The following FER variants were observed in gnomAD, a reference collection of about 807,000 sequenced individuals.
FER encodes the protein FER tyrosine kinase, also known as tyrosine-protein kinase Fer.
In FER, 63 loss-of-function variants were observed where a neutral mutation model predicts 111.0. The ratio of observed to expected loss-of-function variants is 0.57; its 90% CI spans 0.46 to 0.70. The LOEUF (loss-of-function observed/expected upper bound fraction) is 0.70, where lower values mean the gene tolerates loss of function less well. Among genes scored for constraint, FER ranks in the 30% least tolerant of loss-of-function variants. The pLI, the probability that FER is intolerant of heterozygous loss-of-function variation, is 0.00. For synonymous variants in FER, 327 were observed against 313.9 expected (o/e 1.04, Z -0.44); for missense variants, 914 against 954.0 (o/e 0.96, Z 0.55).
chr5:108,818,572 AT>A (rs1758513982), intron 3 of FER, among the ~76,000 whole-genome samples: 2 of 152,104 alleles, frequency 1.3e-5, no homozygotes, highest in Non-Finnish European at 2.9e-5. Flanking sequence ...AAAATCTCAA[AT>A]TAGTAATTTG....
At chr5:108,767,026 C>A (rs62361303) in intron 1 of FER, among the ~76,000 whole-genome samples, 7 of 152,048 alleles carry the variant, frequency 4.6e-5, no homozygotes, top group Non-Finnish European at 1.0e-4. Flanking sequence ...AGAGGCCAGG[C>A]GCAGTGACCC....
At chr5:108,942,654 A>G (rs1338070992) in intron 10 of FER, among the ~76,000 whole-genome samples, 1 of 152,164 alleles carries the variant, frequency 6.6e-6, no homozygotes, top group Non-Finnish European at 1.5e-5. Context: ...TGCCCAGCAA[A>G]TCAGCATTTT....
At position 108,963,139 on chromosome 5, in the gene FER, C is replaced by A. The variant is rs556545546; in HGVS notation, c.1656+3792C>A. Among the ~76,000 whole-genome samples, 6 of 152,200 alleles carry A rather than the reference C, an allele frequency of 3.9e-5. No homozygotes were observed. The East Asian group carries it at 9.6e-4, about 24-fold the overall frequency. ...GGTCAAATATATTTAAGAAAGACAT[C>A]TAGTTTAACATTTAAATGACACTTT... is the stretch of plus-strand genomic sequence containing the variant. On this transcript the variant is annotated intron_variant, in intron 13 of 19. Coordinates refer to ENST00000281092, the MANE Select transcript of FER (RefSeq NM_005246.4).
At chr5:108,877,826 G>A (rs886911022) in intron 8 of FER, among the ~76,000 whole-genome samples, 2 of 152,076 alleles carry the variant, frequency 1.3e-5, no homozygotes, top group African/African-American at 2.4e-5. Context: ...GATTTAGATC[G>A]TGACATCCAA....
intron 3 of FER, among the ~76,000 whole-genome samples, 181 bp downstream of exon 3, chr5:108,798,570 G>A (rs79897841): frequency 0.012 from 1,785 of 152,226 alleles, 22 homozygotes; most frequent in African/African-American, 0.025. Flanking sequence ...TGGAGTGGCC[G>A]GGCATGGTGG....
chr5:109,160,238 T>G (rs1755850703), intron 17 of FER, among the ~76,000 whole-genome samples: 1 of 152,136 alleles, frequency 6.6e-6, no homozygotes, highest in Non-Finnish European at 1.5e-5. Flanking sequence ...TGATACTGAC[T>G]GGCACATCTG....
intron 1 of FER, among the ~76,000 whole-genome samples, chr5:108,751,080 T>C (rs1750450220): frequency 6.6e-6 from 1 of 152,000 alleles, no homozygotes; most frequent in South Asian, 2.1e-4. Context: ...TAATCCCAGC[T>C]ACTCGGGAGG....
intron 2 of FER, chr5:108,785,067 G>A (rs189187451): frequency 2.0e-5 from 8 of 395,774 alleles, no homozygotes; most frequent in African/African-American, 6.2e-5. Context: ...TCTTGTGTTC[G>A]CTTCTTGCCT....
intron 13 of FER, among the ~76,000 whole-genome samples, chr5:108,989,271 G>A (rs891440679): frequency 5.1e-4 from 78 of 152,030 alleles, no homozygotes; most frequent in African/African-American, 1.7e-3. Context: ...ACGATTATGG[G>A]AGTGCATGAA....
chr5:109,161,268 ATTATT>A (rs1184155874), intron 17 of FER, among the ~76,000 whole-genome samples: 2 of 152,068 alleles, frequency 1.3e-5, no homozygotes, highest in Non-Finnish European at 2.9e-5. Context: ...ATCTTGAAAT[ATTATT>A]TTAAGTTCAG....
chr5:109,105,230 TTGTGTGTGTGTGTGTGTGTGTG>T (rs72106747), intron 17 of FER, among the ~76,000 whole-genome samples: 16 of 138,640 alleles, frequency 1.2e-4, no homozygotes, highest in South Asian at 2.4e-4. Context: ...CAGCTTATAT[TTGTGTGTGTGTGTGTGTGTGTG>T]TGTGTGTGTG....
At chr5:108,857,466 C>T (rs1008475226) in intron 5 of FER, among the ~76,000 whole-genome samples, 4 of 152,038 alleles carry the variant, frequency 2.6e-5, no homozygotes, top group Non-Finnish European at 4.4e-5. Flanking sequence ...AGGTGGTATA[C>T]GCTTGATTTC....
chr5:109,046,896 G>C (rs539841920), intron 15 of FER, among the ~76,000 whole-genome samples: 1 of 151,968 alleles, frequency 6.6e-6, no homozygotes, highest in Non-Finnish European at 1.5e-5. Flanking sequence ...CTGTATCCAC[G>C]GGGGTCCTGG....
intron 13 of FER, among the ~76,000 whole-genome samples, chr5:109,017,947 C>CAGAGTAGAG (rs1767403427): frequency 6.6e-6 from 1 of 151,792 alleles, no homozygotes; most frequent in Non-Finnish European, 1.5e-5. Context: ...AGTAACAAAC[C>CAGAGTAGAG]CTTTGTTTTC....
intron 1 of FER, among the ~76,000 whole-genome samples, chr5:108,754,697 G>T (rs961151476): frequency 1.3e-5 from 2 of 152,094 alleles, no homozygotes; most frequent in African/African-American, 4.8e-5. Context: ...AACACTAATT[G>T]TTGTACAAAA....
chr5:108,845,347 G>GTA (rs1258633331), intron 5 of FER, among the ~76,000 whole-genome samples: 3 of 150,650 alleles, frequency 2.0e-5, no homozygotes, highest in South Asian at 2.1e-4. Context: ...TATTTTTTGT[G>GTA]TATATATATT....
chr5:109,010,716 T>TA (rs762906683), intron 13 of FER, among the ~76,000 whole-genome samples: 17 of 152,316 alleles, frequency 1.1e-4, no homozygotes, highest in Non-Finnish European at 2.1e-4. Flanking sequence ...TACCTTTTCT[T>TA]ACCTCCCATA....
Position 109,165,429 on chromosome 5 carries a change from A to T in FER, c.2049-15318A>T, listed in dbSNP as rs549304101. On this transcript the variant is annotated intron_variant, in intron 17 of 19. Coordinates refer to ENST00000281092, the MANE Select transcript of FER (RefSeq NM_005246.4). ...TATGGCATTTGCTGGCGCCAGAGGT[A>T]TTCCAAGAAGCAGTTCCTAGAAGAT... 1.5e-4 allele frequency among the ~76,000 whole-genome samples: 23 copies of T among 152,310 alleles called. No homozygotes were observed. In the East Asian group the frequency reaches 4.4e-3, roughly 29 times the overall value.
chr5:108,991,025 A>T (rs1763097993), intron 13 of FER, among the ~76,000 whole-genome samples: 1 of 151,540 alleles, frequency 6.6e-6, no homozygotes, highest in Non-Finnish European at 1.5e-5. Flanking sequence ...ATAAATATTT[A>T]ATATTTAGAT....
Sources: gnomAD v4.1 joint callset for allele counts (sites outside exome capture counted in the v4.1 genomes callset) on GRCh38, gnomAD v4.1.1 for gene constraint, MANE v1.5 for transcripts, NCBI Gene and HGNC (gene_info 2026-07-23, HGNC 2026-07-21) for gene names.